Variants in PTPRO observed in about 807,000 individuals in gnomAD.
PTPRO encodes the protein protein tyrosine phosphatase receptor type O.
A neutral mutation model predicts 145.2 loss-of-function variants in PTPRO; 62 were observed. The observed-to-expected ratio is 0.43, with a 90% CI of 0.35 to 0.53. The LOEUF (loss-of-function observed/expected upper bound fraction) is 0.53, where lower values mean the gene tolerates loss of function less well. Among genes scored for constraint, PTPRO ranks in the 20% least tolerant of loss-of-function variants. The pLI, the probability that PTPRO is intolerant of heterozygous loss-of-function variation, is 0.01. For synonymous variants in PTPRO, 565 were observed against 514.7 expected (o/e 1.10, Z -1.32); for missense variants, 1,345 against 1,482.7 (o/e 0.91, Z 1.53).
chr12:15,414,506 G>C (rs929326976), intron 1 of PTPRO, among the ~76,000 whole-genome samples: 1 of 151,982 alleles, frequency 6.6e-6, no homozygotes, highest in Non-Finnish European at 1.5e-5. Context: ...TTAAAGCTGT[G>C]CATAGAAGTT....
At chr12:15,584,091 T>C (rs191435791) in intron 23 of PTPRO, among the ~76,000 whole-genome samples, 2 of 152,326 alleles carry the variant, frequency 1.3e-5, no homozygotes, top group Admixed American at 1.3e-4. Context: ...GAGTCTTAAG[T>C]AAGCTGCTTT....
intron 1 of PTPRO, among the ~76,000 whole-genome samples, chr12:15,342,567 A>C (rs1565574215): frequency 6.6e-6 from 1 of 152,202 alleles, no homozygotes; most frequent in Non-Finnish European, 1.5e-5. Flanking sequence ...CAGTTGGCTC[A>C]ACCAGTACAC....
intron 1 of PTPRO, among the ~76,000 whole-genome samples, chr12:15,465,517 A>G (rs978312544): frequency 1.4e-4 from 21 of 152,220 alleles, no homozygotes; most frequent in East Asian, 7.7e-4. Flanking sequence ...CAATCTGCCA[A>G]TTAGTAGAGT....
chr12:15,437,320 A>G (rs912558176), intron 1 of PTPRO, among the ~76,000 whole-genome samples: 1 of 151,514 alleles, frequency 6.6e-6, no homozygotes, highest in African/African-American at 2.4e-5. Flanking sequence ...CCCACCCCTC[A>G]TGTGCAGAGA....
chr12:15,544,593 G>A (rs1943245255), intron 12 of PTPRO, among the ~76,000 whole-genome samples: 1 of 151,358 alleles, frequency 6.6e-6, no homozygotes, highest in East Asian at 1.9e-4. Context: ...TAAGGGAAGA[G>A]CCTCAGAATT....
At chr12:15,590,741 A>G (rs1376897646) in intron 25 of PTPRO, among the ~76,000 whole-genome samples, 2 of 152,192 alleles carry the variant, frequency 1.3e-5, no homozygotes, top group African/African-American at 4.8e-5. Flanking sequence ...CCTCTCATTG[A>G]TAATTAGGAA....
At chr12:15,527,884 C>T (rs574241786) in intron 12 of PTPRO, among the ~76,000 whole-genome samples, 4 of 150,552 alleles carry the variant, frequency 2.7e-5, no homozygotes, top group South Asian at 2.1e-4. Flanking sequence ...GACCCGCCCA[C>T]GCTACCCAGG....
At chr12:15,401,193 T>C (rs1268853292) in intron 1 of PTPRO, among the ~76,000 whole-genome samples, 1 of 152,180 alleles carries the variant, frequency 6.6e-6, no homozygotes, top group Non-Finnish European at 1.5e-5. Flanking sequence ...ATTCAGAGAT[T>C]TAACCAGTAG....
chr12:15,514,929 A>C (rs576483328), intron 7 of PTPRO, among the ~76,000 whole-genome samples: 2 of 151,926 alleles, frequency 1.3e-5, no homozygotes, highest in East Asian at 3.9e-4. Flanking sequence ...TGCCTGGCTA[A>C]TTTTCTTTGT....
At chr12:15,490,585 T>C (rs1941980233) in intron 2 of PTPRO, among the ~76,000 whole-genome samples, 1 of 152,198 alleles carries the variant, frequency 6.6e-6, no homozygotes. Context: ...CAGGGCAGAT[T>C]TGGCCTTGTG....
intron 1 of PTPRO, among the ~76,000 whole-genome samples, chr12:15,454,486 G>A (rs1301779178): frequency 6.6e-6 from 1 of 152,116 alleles, no homozygotes; most frequent in South Asian, 2.1e-4. Flanking sequence ...GAGATACATG[G>A]TTTGCAAATA....
intron 1 of PTPRO, among the ~76,000 whole-genome samples, chr12:15,360,963 T>G (rs573801327): frequency 6.7e-6 from 1 of 148,198 alleles, no homozygotes; most frequent in African/African-American, 2.5e-5. Flanking sequence ...TACACACACA[T>G]ATATACACAC....
At chr12:15,378,991 C>A (rs1170719047) in intron 1 of PTPRO, among the ~76,000 whole-genome samples, 2 of 151,974 alleles carry the variant, frequency 1.3e-5, no homozygotes, top group East Asian at 1.9e-4. Flanking sequence ...AACTTTATAC[C>A]CACTGGGGAC....
At chr12:15,413,458 A>G (rs147141255) in intron 1 of PTPRO, among the ~76,000 whole-genome samples, 2 of 152,332 alleles carry the variant, frequency 1.3e-5, no homozygotes, top group African/African-American at 4.8e-5. Flanking sequence ...TATGCTTTAA[A>G]TAAGAATACA....
chr12:15,528,628 A>G (rs1942894453), intron 12 of PTPRO, among the ~76,000 whole-genome samples: 1 of 152,134 alleles, frequency 6.6e-6, no homozygotes, highest in South Asian at 2.1e-4. Context: ...ATAATAATAG[A>G]AAACATTCCA....
At chr12:15,578,090 T>G (rs976560564) in intron 19 of PTPRO, among the ~76,000 whole-genome samples, 1 of 152,178 alleles carries the variant, frequency 6.6e-6, no homozygotes, top group Non-Finnish European at 1.5e-5. Flanking sequence ...TACAGATCCA[T>G]CTTTATGTTT....
intron 5 of PTPRO, 149 bp downstream of exon 5, chr12:15,502,212 C>T (rs1942236670): frequency 1.2e-6 from 1 of 807,504 alleles, no homozygotes; most frequent in Non-Finnish European, 1.9e-6. Context: ...AATTGAGTAT[C>T]CAATGCAGAC....
intron 1 of PTPRO, among the ~76,000 whole-genome samples, chr12:15,361,048 TATA>T (rs963719829): frequency 3.3e-5 from 5 of 151,000 alleles, no homozygotes; most frequent in East Asian, 2.0e-4. Context: ...CATATACAAA[TATA>T]AGAGAAAATT....
At chr12:15,362,247 A>G (rs1479675090) in intron 1 of PTPRO, among the ~76,000 whole-genome samples, 4 of 152,218 alleles carry the variant, frequency 2.6e-5, no homozygotes, top group Non-Finnish European at 5.9e-5. Context: ...AGGAACTATA[A>G]AAGCCACCAG....
Sources: allele counts gnomAD v4.1 joint callset (sites outside exome capture counted in the v4.1 genomes callset), GRCh38; gene constraint gnomAD v4.1.1; transcripts MANE v1.5; gene names NCBI Gene and HGNC (gene_info 2026-07-23, HGNC 2026-07-21).